MIPOL1: variants seen among roughly 807,000 people sequenced by gnomAD.
The protein encoded by MIPOL1 is mirror-image polydactyly gene 1 protein.
MIPOL1 carries 57 observed loss-of-function variants against 60.9 expected under a neutral mutation model. The ratio of observed to expected loss-of-function variants is 0.94; its 90% CI spans 0.76 to 1.17. The LOEUF is 1.17. Among genes scored for constraint, MIPOL1 ranks in the 50% most tolerant of loss-of-function variants. The pLI, the probability that MIPOL1 is intolerant of heterozygous loss-of-function variation, is 0.00. For missense variants in MIPOL1, 551 were observed against 511.6 expected (o/e 1.08, Z -0.74); for synonymous variants, 179 against 168.8 (o/e 1.06, Z -0.47).
At chr14:37,362,169 A>T (rs1227420154) in intron 9 of MIPOL1, among the ~76,000 whole-genome samples, 1 of 152,086 alleles carries the variant, frequency 6.6e-6, no homozygotes, top group Non-Finnish European at 1.5e-5. Flanking sequence ...TAGCTGGTTA[A>T]TTTGCCCGTT....
At chr14:37,529,684 A>G (rs536280591) in intron 12 of MIPOL1, among the ~76,000 whole-genome samples, 1 of 152,300 alleles carries the variant, frequency 6.6e-6, no homozygotes, top group African/African-American at 2.4e-5. Flanking sequence ...GCCCTGTAGA[A>G]TGGGTGGGAT....
chr14:37,290,515 C>G (rs1397177620), intron 7 of MIPOL1, among the ~76,000 whole-genome samples: 1 of 152,076 alleles, frequency 6.6e-6, no homozygotes, highest in Non-Finnish European at 1.5e-5. Flanking sequence ...CATGAGCCAC[C>G]GTGCCCAGCT....
At chr14:37,386,110 A>T (rs1345768092) in intron 10 of MIPOL1, among the ~76,000 whole-genome samples, 1 of 151,984 alleles carries the variant, frequency 6.6e-6, no homozygotes, top group Non-Finnish European at 1.5e-5. Flanking sequence ...ATTGTTTCCA[A>T]TTTATAGACT....
At chr14:37,235,018 C>G (rs1023299189) in intron 1 of MIPOL1, among the ~76,000 whole-genome samples, 1 of 146,456 alleles carries the variant, frequency 6.8e-6, no homozygotes, top group Non-Finnish European at 1.5e-5. Context: ...GTCTTGATCT[C>G]CTGACCTTGT....
intron 11 of MIPOL1, among the ~76,000 whole-genome samples, chr14:37,487,433 T>C (rs1215381376): frequency 2.0e-5 from 3 of 152,224 alleles, no homozygotes; most frequent in African/African-American, 7.2e-5. Context: ...TCTTTGTACC[T>C]CTGGGAGAAT....
chr14:37,362,962 G>A (rs1199355159), intron 9 of MIPOL1, among the ~76,000 whole-genome samples: 1 of 152,076 alleles, frequency 6.6e-6, no homozygotes, highest in Non-Finnish European at 1.5e-5. Context: ...GCTCTGTCAG[G>A]TCATTTAAGG....
chr14:37,248,013 A>T lies in MIPOL1; in HGVS notation c.19+106A>T, dbSNP rs1973446784. ...CCAATATATTAGACAGAGGTAGACAAGTGCGCACACACACACACAAAACAT... is the reference window on the plus strand; with the variant it reads ...CCAATATATTAGACAGAGGTAGACATGTGCGCACACACACACACAAAACAT... On this transcript the variant is annotated intron_variant, in intron 3 of 12. Transcript: ENST00000684589. 12 of 1,080,654 alleles carry T rather than the reference A, an allele frequency of 1.1e-5. No individual in the cohort carries two copies. In the South Asian group the frequency reaches 1.3e-4, roughly 12 times the overall value. 66.9% of individuals were successfully genotyped at this position (1,080,654 alleles called of 1,614,324 possible).
Position 37,534,575 on chromosome 14 carries a change from A to G in MIPOL1, c.1263-12330A>G, listed in dbSNP as rs377751090. On this transcript the variant is annotated intron_variant, in intron 12 of 12. Transcript: ENST00000684589. The stretch of plus-strand genomic sequence containing the variant: ...TTACCAAATATACAGTGGTAAACAC[A>G]TTGTCCCTACCCTTATGGAGCCTCA... 7.2e-4 allele frequency among the ~76,000 whole-genome samples: 109 copies of G among 152,294 alleles called. 1 individual carries two copies. The East Asian group carries it at 0.017, about 24-fold the overall frequency.
At chr14:37,206,174 A>C (rs1032135069) in intron 1 of MIPOL1, among the ~76,000 whole-genome samples, 1 of 152,096 alleles carries the variant, frequency 6.6e-6, no homozygotes, top group African/African-American at 2.4e-5. Flanking sequence ...AAGGCCTAGG[A>C]GGAAAAAATG....
At chr14:37,409,696 G>C (rs1245006268) in intron 10 of MIPOL1, among the ~76,000 whole-genome samples, 1 of 152,306 alleles carries the variant, frequency 6.6e-6, no homozygotes, top group South Asian at 2.1e-4. Context: ...TGATGCAGGA[G>C]AATGTCTTGA....
chr14:37,409,118 C>T (rs2093639761), intron 10 of MIPOL1, among the ~76,000 whole-genome samples: 1 of 152,180 alleles, frequency 6.6e-6, no homozygotes, highest in South Asian at 2.1e-4. Flanking sequence ...GACACAAGTA[C>T]TCCTTGGAGG....
intron 1 of MIPOL1, among the ~76,000 whole-genome samples, chr14:37,218,344 C>A (rs1033929288): frequency 2.4e-5 from 2 of 82,706 alleles, no homozygotes; most frequent in Non-Finnish European, 4.8e-5. Context: ...AAATGCCTGG[C>A]TCATTTTTGT....
intron 12 of MIPOL1, among the ~76,000 whole-genome samples, chr14:37,510,941 G>A (rs913661901): frequency 6.6e-6 from 1 of 152,110 alleles, no homozygotes; most frequent in Admixed American, 6.6e-5. Context: ...GGAGCTGGCA[G>A]TGCTTACTTC....
chr14:37,463,105 G>A (rs184557949), intron 11 of MIPOL1, among the ~76,000 whole-genome samples: 139 of 152,282 alleles, frequency 9.1e-4, no homozygotes, highest in African/African-American at 3.1e-3. Context: ...TGCACTTAGC[G>A]TTTCACATGT....
At chr14:37,518,167 G>A (rs1475564593) in intron 12 of MIPOL1, among the ~76,000 whole-genome samples, 1 of 152,116 alleles carries the variant, frequency 6.6e-6, no homozygotes, top group Non-Finnish European at 1.5e-5. Context: ...TATGTTAACA[G>A]TTATTAGCCC....
chr14:37,216,178 G>T (rs901887462), intron 1 of MIPOL1, among the ~76,000 whole-genome samples: 1 of 151,924 alleles, frequency 6.6e-6, no homozygotes, highest in Non-Finnish European at 1.5e-5. Context: ...CAAAAACTAT[G>T]AAAAGAGACA....
At position 37,279,955 on chromosome 14, in the gene MIPOL1, C is replaced by A. The variant is rs76113105; in HGVS notation, c.494-5363C>A. ...TCTTCTTTCCTCCTCCACCCTCATC[C>A]CCAGCCTCTGGTAGCTATTGTTCTA... On this transcript the variant is annotated intron_variant, in intron 6 of 12. Coordinates refer to ENST00000684589, the MANE Select transcript of MIPOL1 (RefSeq NM_001388067.1). 1.4e-3 allele frequency among the ~76,000 whole-genome samples: 214 copies of A among 152,132 alleles called. 1 individual carries two copies. Among genetic ancestry groups the A allele is most frequent in the African/African-American group, 4.8e-3 (201 of 41,528 alleles).
chr14:37,242,906 G>T (rs540330787), intron 1 of MIPOL1, among the ~76,000 whole-genome samples: 49 of 152,278 alleles, frequency 3.2e-4, no homozygotes, highest in Admixed American at 1.7e-3. Context: ...TGACTTTTGA[G>T]CAAGGCGTGC....
intron 10 of MIPOL1, among the ~76,000 whole-genome samples, chr14:37,417,393 G>T (rs1259960447): frequency 1.3e-5 from 2 of 152,022 alleles, no homozygotes; most frequent in Non-Finnish European, 2.9e-5. Context: ...ATTATCTCTG[G>T]TCTGATAAAC....
Sources: allele counts gnomAD v4.1 joint callset (sites outside exome capture counted in the v4.1 genomes callset), GRCh38; gene constraint gnomAD v4.1.1; transcripts MANE v1.5; gene names NCBI Gene and HGNC (gene_info 2026-07-23, HGNC 2026-07-21).